TTC8: variants seen among roughly 807,000 people sequenced by gnomAD.
TTC8 encodes tetratricopeptide repeat domain 8.
In TTC8, 47 loss-of-function variants were observed where a neutral mutation model predicts 72.5. That is an observed-to-expected ratio of 0.65 (90% CI 0.51 to 0.83). TTC8 has a LOEUF of 0.83. TTC8 is among the 40% of genes least tolerant of loss of function. The probability of loss-of-function intolerance (pLI) is 0.00; values close to 1 mark genes in which losing one functional copy is unlikely to be tolerated. For missense variants in TTC8, 611 were observed against 623.2 expected, an observed-to-expected ratio of 0.98 and a Z score of 0.21; for synonymous variants, 199 against 221.4, an observed-to-expected ratio of 0.90 and a Z score of 0.90.
At chr14:88,879,970 C>T (rs1339334585), downstream of TTC8, 1 of 152,170 alleles carries the variant, frequency 6.6e-6, no homozygotes, top group Non-Finnish European at 1.5e-5. Context: ...AGCCACTGCA[C>T]CCAGCGTCTC....
chr14:88,863,855 T>A (rs1038485070), intron 10 of TTC8, among the ~76,000 whole-genome samples: 2 of 152,260 alleles, frequency 1.3e-5, no homozygotes, highest in African/African-American at 4.8e-5. Context: ...CTCTTTAAAT[T>A]GTAAGATCTT....
chr14:88,834,175 T>C (rs1432286835), intron 2 of TTC8, among the ~76,000 whole-genome samples: 1 of 152,128 alleles, frequency 6.6e-6, no homozygotes, highest in African/African-American at 2.4e-5. Context: ...GGGAGGAGGC[T>C]GCCACAGTGA....
In TTC8 at chr14:88,870,127, G is replaced by A. The variant is rs1168805455; in HGVS notation, c.978G>A (p.Val326=). Reference sequence around the variant, plus strand: ...TTTTGAAACAAGACAATACTCATGTGGAAGCCATCGCATGCATTGGAAGCA... The same window carrying A: ...TTTTGAAACAAGACAATACTCATGTAGAAGCCATCGCATGCATTGGAAGCA... ...KEVLKQDNTH[V]EAIACIGSNH... is the part of the protein sequence containing the mutation. Residue 326 remains valine (V), a synonymous_variant, in exon 11 of 15, where the codon GTG becomes GTA. Coordinates refer to ENST00000380656, the MANE Select transcript of TTC8 (RefSeq NM_144596.4). 2 of 1,613,902 alleles carry A rather than the reference G, an allele frequency of 1.2e-6. No homozygotes were observed. Among genetic ancestry groups the A allele is most frequent in the Non-Finnish European group, 1.7e-6 (2 of 1,179,946 alleles).
intron 9 of TTC8, among the ~76,000 whole-genome samples, chr14:88,858,737 G>A (rs1003236686): frequency 1.3e-5 from 2 of 148,182 alleles, no homozygotes; most frequent in African/African-American, 5.0e-5. Flanking sequence ...GGGACCACAG[G>A]CCACCATGCC....
intron 1 of TTC8, among the ~76,000 whole-genome samples, chr14:88,832,214 G>A (rs368041339): frequency 3.5e-4 from 53 of 152,166 alleles, no homozygotes; most frequent in Admixed American, 9.8e-4. Flanking sequence ...GAGAGATCGC[G>A]GAGACTTTCC....
At chr14:88,833,073 G>A (rs2094733732) in intron 1 of TTC8, among the ~76,000 whole-genome samples, 1 of 152,194 alleles carries the variant, frequency 6.6e-6, no homozygotes, top group South Asian at 2.1e-4. Context: ...ATTTAGAGCT[G>A]TAGAAAGCAA....
At chr14:88,840,651 C>A (rs570883854) in intron 3 of TTC8, among the ~76,000 whole-genome samples, 1 of 152,154 alleles carries the variant, frequency 6.6e-6, no homozygotes. Context: ...ATACTACCTA[C>A]TTTACAGACT....
At chr14:88,863,433 A>G (rs1182987772) in intron 10 of TTC8, among the ~76,000 whole-genome samples, 1 of 152,192 alleles carries the variant, frequency 6.6e-6, no homozygotes, top group Admixed American at 6.5e-5. Flanking sequence ...AGTTGTGACA[A>G]CTCATGAGAA....
chr14:88,868,517 G>T (rs1176510335), intron 10 of TTC8, among the ~76,000 whole-genome samples: 7 of 151,834 alleles, frequency 4.6e-5, no homozygotes, highest in African/African-American at 1.7e-4. Context: ...ACTAAATTTT[G>T]TGCTAAGAAA....
At chr14:88,865,431 T>C (rs1187368450) in intron 10 of TTC8, among the ~76,000 whole-genome samples, 5 of 152,200 alleles carry the variant, frequency 3.3e-5, no homozygotes, top group Non-Finnish European at 7.4e-5. Context: ...AACTTTGGGA[T>C]GCAGAGGTGG....
At chr14:88,846,178 G>A (rs531627848) in intron 7 of TTC8, among the ~76,000 whole-genome samples, 3 of 151,996 alleles carry the variant, frequency 2.0e-5, no homozygotes, top group Admixed American at 6.6e-5. Flanking sequence ...ATGGTGGCAC[G>A]TGCTTGTAGT....
At chr14:88,846,035 T>C (rs2094804828) in intron 7 of TTC8, among the ~76,000 whole-genome samples, 1 of 152,018 alleles carries the variant, frequency 6.6e-6, no homozygotes, top group Non-Finnish European at 1.5e-5. Flanking sequence ...ACAGAAAATA[T>C]GTGGCTCAGT....
At chr14:88,856,560 C>G (rs1175932053) in intron 8 of TTC8, among the ~76,000 whole-genome samples, 1 of 152,256 alleles carries the variant, frequency 6.6e-6, no homozygotes, top group South Asian at 2.1e-4. Flanking sequence ...GCAACAGATT[C>G]TTTCCTGGGT....
chr14:88,842,097 G>A (rs1190440674), intron 6 of TTC8, among the ~76,000 whole-genome samples: 1 of 152,030 alleles, frequency 6.6e-6, no homozygotes, highest in East Asian at 1.9e-4. Flanking sequence ...GGGAGAGAAA[G>A]AGAAAAAGAA....
intron 10 of TTC8, among the ~76,000 whole-genome samples, chr14:88,862,532 C>G (rs2141018310): frequency 2.0e-5 from 2 of 97,656 alleles, no homozygotes; most frequent in South Asian, 6.7e-4. Context: ...TTCTCTCTCT[C>G]TCTCTCTCCA....
intron 13 of TTC8, 110 bp downstream of exon 13, chr14:88,872,562 A>G (rs898802571): frequency 4.7e-6 from 7 of 1,483,850 alleles, no homozygotes; most frequent in African/African-American, 4.2e-5. Context: ...CTAGAATCTG[A>G]CAGGCGTGGA....
intron 2 of TTC8, chr14:88,837,080 T>TA (rs1187752560): frequency 3.9e-6 from 1 of 253,866 alleles, no homozygotes; most frequent in Admixed American, 5.0e-5. Context: ...AATGAATAAA[T>TA]AAATAAATAA....
chr14:88,862,856 A>G (rs2094894425), intron 10 of TTC8, among the ~76,000 whole-genome samples: 1 of 151,424 alleles, frequency 6.6e-6, no homozygotes, highest in Non-Finnish European at 1.5e-5. Context: ...AATTCTATGA[A>G]AAGTCCCATT....
At chr14:88,867,995 C>T (rs1158295907) in intron 10 of TTC8, among the ~76,000 whole-genome samples, 1 of 152,144 alleles carries the variant, frequency 6.6e-6, no homozygotes, top group Non-Finnish European at 1.5e-5. Flanking sequence ...TAAGTTACAT[C>T]CCTGTTCTCC....
Sources: gnomAD v4.1 joint callset for allele counts (sites outside exome capture counted in the v4.1 genomes callset) on GRCh38, gnomAD v4.1.1 for gene constraint, MANE v1.5 for transcripts, NCBI Gene and HGNC (gene_info 2026-07-23, HGNC 2026-07-21) for gene names.